IMMP2L: variants seen among roughly 807,000 people sequenced by gnomAD.
IMMP2L encodes the protein mitochondrial inner membrane protease subunit 2.
Under a neutral mutation model 19.3 loss-of-function variants are expected in IMMP2L, and 18 were observed. That is an observed-to-expected ratio of 0.93 (90% CI 0.64 to 1.38). IMMP2L has a LOEUF of 1.38. Ranked by LOEUF, IMMP2L falls within the 40% of genes most tolerant of loss-of-function variation. The probability of loss-of-function intolerance (pLI) is 0.00; values close to 1 mark genes in which losing one functional copy is unlikely to be tolerated. For missense variants in IMMP2L, 233 were observed against 218.2 expected (o/e 1.07, Z -0.43); for synonymous variants, 76 against 73.0 (o/e 1.04, Z -0.21).
chr7:111,250,059 C>T lies in IMMP2L; in HGVS notation c.239+237179G>A, dbSNP rs371725245. Among the ~76,000 whole-genome samples, 87 of 152,264 alleles carry T rather than the reference C, an allele frequency of 5.7e-4. 2 individuals carry two copies. Among genetic ancestry groups the T allele is most frequent in the African/African-American group, 2.0e-3 (82 of 41,550 alleles). ...AGCTGATAAGCAATTTCAGCAAAGT[C>T]TCAGGATACAAAATCAATGTGCAAA... On this transcript the variant is annotated intron_variant, in intron 3 of 5. Coordinates refer to ENST00000405709, the MANE Select transcript of IMMP2L (RefSeq NM_032549.4).
chr7:110,853,013 A>G (rs964458587), intron 5 of IMMP2L, among the ~76,000 whole-genome samples: 2 of 152,082 alleles, frequency 1.3e-5, no homozygotes, highest in Non-Finnish European at 2.9e-5. Context: ...TGAGTTGGTT[A>G]TGCAGCAAAA....
chr7:110,665,827 G>A (rs1235310841), intron 5 of IMMP2L, among the ~76,000 whole-genome samples: 1 of 152,058 alleles, frequency 6.6e-6, no homozygotes, highest in East Asian at 1.9e-4. Context: ...GAGATATTTT[G>A]TAATAATGTA....
At chr7:111,048,101 G>A (rs1358317063) in intron 3 of IMMP2L, among the ~76,000 whole-genome samples, 6 of 151,574 alleles carry the variant, frequency 4.0e-5, no homozygotes, top group East Asian at 2.0e-4. Flanking sequence ...TTAGCCGGGC[G>A]TGGTGGCAGG....
At chr7:111,285,825 G>A (rs1820420519) in intron 3 of IMMP2L, among the ~76,000 whole-genome samples, 1 of 152,092 alleles carries the variant, frequency 6.6e-6, no homozygotes, top group Non-Finnish European at 1.5e-5. Context: ...GCATATTTAT[G>A]TACTGCAAAA....
intron 3 of IMMP2L, among the ~76,000 whole-genome samples, chr7:111,384,391 C>A (rs182567768): frequency 7.4e-4 from 113 of 152,014 alleles, no homozygotes; most frequent in Middle Eastern, 3.4e-3. Flanking sequence ...ACTAGGAAAT[C>A]AGGTAGAGAT....
At chr7:111,550,590 T>C (rs1489695941) in intron 1 of IMMP2L, among the ~76,000 whole-genome samples, 1 of 152,112 alleles carries the variant, frequency 6.6e-6, no homozygotes, top group Non-Finnish European at 1.5e-5. Context: ...TTCCATTCAA[T>C]TTTACTGTGA....
intron 3 of IMMP2L, among the ~76,000 whole-genome samples, chr7:111,089,258 G>A (rs1442040047): frequency 6.6e-6 from 1 of 152,084 alleles, no homozygotes; most frequent in Non-Finnish European, 1.5e-5. Context: ...TAAAAACCAA[G>A]AGAGGAGTTT....
chr7:111,560,929 T>G (rs73428310), intron 1 of IMMP2L, among the ~76,000 whole-genome samples: 14,118 of 152,222 alleles, frequency 0.093, 837 homozygotes, highest in African/African-American at 0.15. Flanking sequence ...AGGCAGCCTA[T>G]CACAGAGGGC....
chr7:111,426,587 A>G (rs374751445), intron 3 of IMMP2L, among the ~76,000 whole-genome samples: 29 of 151,348 alleles, frequency 1.9e-4, no homozygotes, highest in African/African-American at 7.0e-4. Flanking sequence ...CAAAGGACAA[A>G]TATCAAAGTA....
At chr7:110,965,604 T>C (rs1162477022) in intron 3 of IMMP2L, among the ~76,000 whole-genome samples, 2 of 152,000 alleles carry the variant, frequency 1.3e-5, no homozygotes, top group African/African-American at 4.8e-5. Context: ...ATGGGCATAT[T>C]CAAGCTAATG....
At chr7:111,080,607 T>A (rs1795811242) in intron 3 of IMMP2L, among the ~76,000 whole-genome samples, 1 of 152,092 alleles carries the variant, frequency 6.6e-6, no homozygotes, top group Non-Finnish European at 1.5e-5. Flanking sequence ...AAAATTAGAC[T>A]TTTTAGCTAA....
intron 3 of IMMP2L, among the ~76,000 whole-genome samples, chr7:111,103,191 T>C (rs1023923176): frequency 1.3e-5 from 2 of 151,630 alleles, no homozygotes; most frequent in Non-Finnish European, 1.5e-5. Context: ...AACAACTGCA[T>C]TACTCCATCA....
chr7:111,547,932 C>T (rs1849086124), intron 1 of IMMP2L, among the ~76,000 whole-genome samples: 1 of 151,996 alleles, frequency 6.6e-6, no homozygotes, highest in Non-Finnish European at 1.5e-5. Context: ...ATGTTGTTCA[C>T]ACTGGTCTCA....
intron 5 of IMMP2L, among the ~76,000 whole-genome samples, chr7:110,740,690 A>G (rs1175451436): frequency 6.6e-6 from 1 of 152,100 alleles, no homozygotes; most frequent in Non-Finnish European, 1.5e-5. Context: ...GGAAATGCAA[A>G]TCAAAACCAC....
intron 5 of IMMP2L, among the ~76,000 whole-genome samples, chr7:110,820,185 A>T (rs1017729597): frequency 5.3e-5 from 8 of 152,084 alleles, no homozygotes; most frequent in African/African-American, 1.9e-4. Flanking sequence ...CCATCTACTT[A>T]TTCAAATTTT....
chr7:111,357,348 AC>A (rs1173698680), intron 3 of IMMP2L, among the ~76,000 whole-genome samples: 1 of 152,184 alleles, frequency 6.6e-6, no homozygotes, highest in Non-Finnish European at 1.5e-5. Flanking sequence ...AAATTCATTT[AC>A]AAAACCTCAC....
At chr7:111,404,254 A>C (rs923060254) in intron 3 of IMMP2L, among the ~76,000 whole-genome samples, 3 of 152,166 alleles carry the variant, frequency 2.0e-5, no homozygotes, top group Non-Finnish European at 4.4e-5. Context: ...GGTCACCACA[A>C]GAAGCTGAAA....
intron 3 of IMMP2L, among the ~76,000 whole-genome samples, chr7:110,967,370 A>G (rs1051124017): frequency 6.6e-6 from 1 of 152,016 alleles, no homozygotes; most frequent in African/African-American, 2.4e-5. Flanking sequence ...AGAGATTAGC[A>G]TATGTCCCAC....
chr7:111,538,257 T>C (rs995399354), intron 1 of IMMP2L, among the ~76,000 whole-genome samples: 14 of 152,124 alleles, frequency 9.2e-5, no homozygotes, highest in African/African-American at 3.4e-4. Context: ...ACCACTTAGC[T>C]GTCCATATAA....
Sources: gnomAD v4.1 joint callset for allele counts (sites outside exome capture counted in the v4.1 genomes callset) on GRCh38, gnomAD v4.1.1 for gene constraint, MANE v1.5 for transcripts, NCBI Gene and HGNC (gene_info 2026-07-23, HGNC 2026-07-21) for gene names.